The following CRIM1 variants were observed in gnomAD, a reference collection of about 807,000 sequenced individuals.
CRIM1 encodes the protein cysteine rich transmembrane BMP regulator 1.
CRIM1 carries 32 observed loss-of-function variants against 116.4 expected under a neutral mutation model. That is an observed-to-expected ratio of 0.27 (90% confidence interval 0.21 to 0.37). The LOEUF is 0.37. CRIM1 is among the 10% of genes least tolerant of loss of function. The pLI is 1.00. For synonymous variants in CRIM1, 590 were observed against 509.2 expected (o/e 1.16, Z -2.13); for missense variants, 1,331 against 1,354.8 (o/e 0.98, Z 0.28).
At chr2:36,425,702 C>G (rs1674395376) in intron 2 of CRIM1, among the ~76,000 whole-genome samples, 2 of 152,182 alleles carry the variant, frequency 1.3e-5, no homozygotes, top group Non-Finnish European at 2.9e-5. Flanking sequence ...TCATCAGAGG[C>G]TCAGATGAGG....
intron 5 of CRIM1, among the ~76,000 whole-genome samples, chr2:36,470,112 TA>T (rs757170308): frequency 2.6e-5 from 4 of 152,216 alleles, no homozygotes; most frequent in Non-Finnish European, 5.9e-5. Context: ...TCAGTATAAT[TA>T]ATAAAGGGAA....
At chr2:36,424,905 G>A (rs779425120) in intron 2 of CRIM1, among the ~76,000 whole-genome samples, 1 of 152,090 alleles carries the variant, frequency 6.6e-6, no homozygotes, top group Non-Finnish European at 1.5e-5. Flanking sequence ...TTTGATTATT[G>A]TTTTCTTTTG....
At chr2:36,446,751 C>G (rs1472580881) in intron 4 of CRIM1, among the ~76,000 whole-genome samples, 1 of 151,414 alleles carries the variant, frequency 6.6e-6, no homozygotes, top group Non-Finnish European at 1.5e-5. Context: ...TTCTACCTTT[C>G]AGGAGAGGGT....
At chr2:36,456,079 A>G (rs1027521850) in intron 4 of CRIM1, among the ~76,000 whole-genome samples, 4 of 152,154 alleles carry the variant, frequency 2.6e-5, no homozygotes, top group African/African-American at 9.7e-5. Flanking sequence ...CAGCCAGGCA[A>G]TGGAGGCTTT....
At chr2:36,537,323 A>C (rs1666619987) in intron 13 of CRIM1, 29 bp from the exon 14 acceptor site, 1 of 1,605,530 alleles carries the variant, frequency 6.2e-7, no homozygotes, top group South Asian at 1.1e-5. Context: ...CACATCAGCG[A>C]CTCCATCATG....
chr2:36,438,706 A>G (rs905682248), intron 2 of CRIM1, among the ~76,000 whole-genome samples: 5 of 152,176 alleles, frequency 3.3e-5, no homozygotes, highest in African/African-American at 1.2e-4. Flanking sequence ...TAGCTTTAAC[A>G]AAAACCACAT....
chr2:36,461,507 GA>G (rs1443605322), intron 4 of CRIM1, among the ~76,000 whole-genome samples: 1 of 152,170 alleles, frequency 6.6e-6, no homozygotes, highest in African/African-American at 2.4e-5. Context: ...TCTTCTAGTG[GA>G]AAACACAGAG....
At chr2:36,357,062 C>T (rs894159112) in intron 1 of CRIM1, among the ~76,000 whole-genome samples, 2 of 152,196 alleles carry the variant, frequency 1.3e-5, no homozygotes, top group Admixed American at 6.5e-5. Flanking sequence ...GCACGCCGGC[C>T]GCGAAAGTCC....
At position 36,479,684 on chromosome 2, in the gene CRIM1, T is replaced by G. The variant is rs1241589182; in HGVS notation, c.1362T>G (p.Pro454=). 1 of 1,614,092 alleles carries G rather than the reference T, an allele frequency of 6.2e-7. No individual in the cohort carries two copies. The highest frequency in any genetic ancestry group is 1.7e-4 in the Middle Eastern group (1 of 6,060). ...NPVKVPGECC[P]VCEEPTIITV... ...TGAAAGTGCCTGGGGAGTGTTGCCC[T>G]GTGTGCGAAGGTAAATCTTGCAGAT... Residue 454 remains proline, a synonymous_variant, in exon 7 of 17, where the codon CCT becomes CCG. Transcript: ENST00000280527.
At position 36,441,273 on chromosome 2, in the gene CRIM1, G is replaced by T. The variant is rs762374786; in HGVS notation, c.521G>T (p.Cys174Phe). 6.2e-7 allele frequency: 1 copy of T among 1,614,174 alleles called. No individual in the cohort carries two copies. Among genetic ancestry groups the T allele is most frequent in the Non-Finnish European group, 8.5e-7 (1 of 1,180,022 alleles). Reference protein sequence around the residue: ...LKRIEEEKPDCSKARCEVQFS... With the variant: ...LKRIEEEKPDFSKARCEVQFS... ...TCCCTTTTAGAAGAGAAGCCAGATT[G>T]CTCCAAGGCCCGCTGTGAAGTCCAG... is the stretch of plus-strand genomic sequence containing the variant. The change falls in exon 3 of 17, where the codon TGC becomes TTC. Residue 174 changes from cysteine to phenylalanine, a missense_variant. Cys to Phe is a radical substitution (Grantham distance 205, BLOSUM62 -2). Transcript: ENST00000280527.
At chr2:36,420,301 T>C (rs1259193015) in intron 2 of CRIM1, among the ~76,000 whole-genome samples, 1 of 152,316 alleles carries the variant, frequency 6.6e-6, no homozygotes, top group East Asian at 1.9e-4. Context: ...GCATTTTCTA[T>C]GGATTATGTT....
chr2:36,452,728 A>G lies in CRIM1; in HGVS notation c.869+9993A>G, dbSNP rs530737524. 2.1e-4 allele frequency among the ~76,000 whole-genome samples: 32 copies of G among 151,910 alleles called. No homozygotes were observed. The South Asian group carries it at 6.2e-3, about 30-fold the overall frequency. On this transcript the variant is annotated intron_variant, in intron 4 of 16. Transcript: ENST00000280527. Reference sequence around the variant, plus strand: ...TAAATTTGACCTAGTGTCTAGCCTTATTTTGTATTTGTCTTAGTCCCGAAA... The same window carrying G: ...TAAATTTGACCTAGTGTCTAGCCTTGTTTTGTATTTGTCTTAGTCCCGAAA...
chr2:36,367,985 C>A (rs1216374746), intron 1 of CRIM1, among the ~76,000 whole-genome samples: 1 of 152,142 alleles, frequency 6.6e-6, no homozygotes, highest in East Asian at 1.9e-4. Context: ...CGAAGACAGG[C>A]CAAAACTTGC....
chr2:36,420,504 T>C (rs1388807834), intron 2 of CRIM1, among the ~76,000 whole-genome samples: 1 of 152,214 alleles, frequency 6.6e-6, no homozygotes, highest in Non-Finnish European at 1.5e-5. Flanking sequence ...TCACCAGCGT[T>C]GTCCCAGGCA....
chr2:36,392,165 A>C (rs1420889524), intron 1 of CRIM1, among the ~76,000 whole-genome samples: 2 of 152,232 alleles, frequency 1.3e-5, no homozygotes, highest in African/African-American at 4.8e-5. Context: ...TTAGCAGTTT[A>C]ATATACCTGG....
At chr2:36,416,646 T>C (rs889116381) in intron 2 of CRIM1, among the ~76,000 whole-genome samples, 2 of 152,264 alleles carry the variant, frequency 1.3e-5, no homozygotes, top group Admixed American at 1.3e-4. Context: ...CTTTTGGCCA[T>C]AGTCCCATTT....
At chr2:36,358,497 A>G (rs1324000517) in intron 1 of CRIM1, among the ~76,000 whole-genome samples, 2 of 152,200 alleles carry the variant, frequency 1.3e-5, no homozygotes, top group Non-Finnish European at 2.9e-5. Flanking sequence ...TGCTCAGGGA[A>G]CATTTACAGT....
At chr2:36,372,525 C>A (rs564002262) in intron 1 of CRIM1, among the ~76,000 whole-genome samples, 1 of 152,290 alleles carries the variant, frequency 6.6e-6, no homozygotes, top group South Asian at 2.1e-4. Flanking sequence ...AGCTTTTCAG[C>A]TGCTAAAGAT....
intron 2 of CRIM1, among the ~76,000 whole-genome samples, chr2:36,431,633 A>G (rs1674900630): frequency 6.6e-6 from 1 of 152,234 alleles, no homozygotes; most frequent in Non-Finnish European, 1.5e-5. Context: ...GAGTGTTGAC[A>G]AATACTGGAG....
Sources: allele counts gnomAD v4.1 joint callset (sites outside exome capture counted in the v4.1 genomes callset), GRCh38; gene constraint gnomAD v4.1.1; transcripts MANE v1.5; gene names NCBI Gene and HGNC (gene_info 2026-07-23, HGNC 2026-07-21).